FABP12: variants seen among roughly 807,000 people sequenced by gnomAD.
FABP12 encodes fatty acid-binding protein 12.
In FABP12, 19 loss-of-function variants were observed where a neutral mutation model predicts 13.7. The observed-to-expected ratio is 1.39, with a 90% CI of 0.97 to 2.04. The LOEUF is 2.04. FABP12 is among the 30% of genes most tolerant of loss of function. FABP12 has a pLI of 0.00. For missense variants in FABP12, 182 were observed against 164.2 expected (o/e 1.11, Z -0.59); for synonymous variants, 61 against 57.0 (o/e 1.07, Z -0.32).
intron 1 of FABP12, among the ~76,000 whole-genome samples, chr8:81,579,064 G>A (rs572984269): frequency 2.0e-5 from 3 of 151,202 alleles, no homozygotes; most frequent in East Asian, 2.0e-4. Flanking sequence ...TCCTGACCTC[G>A]TGATCCACCC....
At chr8:81,567,843 C>A (rs140139306) in intron 1 of FABP12, among the ~76,000 whole-genome samples, 2,440 of 151,926 alleles carry the variant, frequency 0.016, 36 homozygotes, top group African/African-American at 0.033. Context: ...TCCACACGGC[C>A]GGGCGCGGTG....
chr8:81,530,034 C>T (rs997045406), intron 2 of FABP12, among the ~76,000 whole-genome samples: 3 of 152,108 alleles, frequency 2.0e-5, no homozygotes, highest in Non-Finnish European at 4.4e-5. Flanking sequence ...TAGCTCTTCA[C>T]TTGTATTCTT....
intron 3 of FABP12, among the ~76,000 whole-genome samples, chr8:81,527,686 C>T (rs991919674): frequency 6.6e-6 from 1 of 152,078 alleles, no homozygotes; most frequent in Non-Finnish European, 1.5e-5. Flanking sequence ...TTATCTTTGA[C>T]TGTGTAAGCA....
chr8:81,528,186 C>T (rs1808958955), intron 3 of FABP12, among the ~76,000 whole-genome samples: 1 of 151,982 alleles, frequency 6.6e-6, no homozygotes, highest in African/African-American at 2.4e-5. Flanking sequence ...CTCCAGCAAT[C>T]CTCCCACCTT....
intron 1 of FABP12, among the ~76,000 whole-genome samples, chr8:81,561,239 T>G (rs1809719812): frequency 6.6e-6 from 1 of 152,160 alleles, no homozygotes; most frequent in Non-Finnish European, 1.5e-5. Flanking sequence ...AATAAAATGA[T>G]AACAGTGCAT....
chr8:81,533,833 C>A (rs1452540467), exon 1 of FABP12, among the ~76,000 whole-genome samples: 1 of 152,080 alleles, frequency 6.6e-6, no homozygotes, highest in Non-Finnish European at 1.5e-5. Context: ...TAGGCTTGAC[C>A]CCAGATGCAC....
chr8:81,587,336 T>C (rs1435529102), intron 1 of FABP12, among the ~76,000 whole-genome samples: 1 of 152,188 alleles, frequency 6.6e-6, no homozygotes, highest in Non-Finnish European at 1.5e-5. Flanking sequence ...AAAATGTCAT[T>C]GATAGTTTGA....
chr8:81,578,735 C>T (rs1253805754), intron 1 of FABP12, among the ~76,000 whole-genome samples: 2 of 151,340 alleles, frequency 1.3e-5, no homozygotes, highest in South Asian at 2.1e-4. Context: ...CCGTCCACCT[C>T]GGCCTCCTAA....
chr8:81,580,915 A>G (rs1157136864), intron 1 of FABP12, among the ~76,000 whole-genome samples: 1 of 152,144 alleles, frequency 6.6e-6, no homozygotes, highest in Non-Finnish European at 1.5e-5. Flanking sequence ...CCTATTGTGT[A>G]AGACTCGGGA....
At chr8:81,537,185 A>C (rs187695042), upstream of FABP12, among the ~76,000 whole-genome samples, 98 of 152,318 alleles carry the variant, frequency 6.4e-4, no homozygotes, top group African/African-American at 2.3e-3. Context: ...TGAGATGGTT[A>C]TCAGTCAAAT....
intron 1 of FABP12, among the ~76,000 whole-genome samples, chr8:81,548,034 T>A (rs1042084275): frequency 6.6e-6 from 1 of 152,174 alleles, no homozygotes; most frequent in Non-Finnish European, 1.5e-5. Flanking sequence ...ACCAGAGATA[T>A]ACCATGATAC....
chr8:81,540,655 A>G (rs1000706690), intron 1 of FABP12, among the ~76,000 whole-genome samples: 5 of 152,234 alleles, frequency 3.3e-5, no homozygotes, highest in African/African-American at 9.6e-5. Flanking sequence ...TGGGATCCCA[A>G]ATTGGATCCT....
intron 1 of FABP12, among the ~76,000 whole-genome samples, chr8:81,550,797 A>G (rs768940562): frequency 1.3e-4 from 20 of 152,302 alleles, no homozygotes; most frequent in Non-Finnish European, 2.6e-4. Context: ...AGAAAATTAT[A>G]AAGTTCTATT....
At chr8:81,538,163 G>A (rs911193800), upstream of FABP12, among the ~76,000 whole-genome samples, 1 of 152,136 alleles carries the variant, frequency 6.6e-6, no homozygotes, top group African/African-American at 2.4e-5. Context: ...TGAGCTCAGA[G>A]CAAGAACTCA....
chr8:81,528,515 C>T (rs888207179), intron 3 of FABP12, among the ~76,000 whole-genome samples: 4 of 152,166 alleles, frequency 2.6e-5, no homozygotes, highest in Admixed American at 2.6e-4. Context: ...ATTACAGTGG[C>T]ATGATAGTTC....
At chr8:81,531,522 C>T in intron 1 of FABP12, 132 bp from the exon 2 acceptor site, 1 of 528,036 alleles carries the variant, frequency 1.9e-6, no homozygotes, top group South Asian at 2.8e-5. Flanking sequence ...TTAAATACAT[C>T]AGGATGAAAA....
intron 1 of FABP12, among the ~76,000 whole-genome samples, chr8:81,558,887 C>CAAG (rs1809668055): frequency 1.5e-5 from 1 of 67,532 alleles, no homozygotes. Context: ...AAGGCTCCAT[C>CAAG]AAAAAAAAAA....
intron 4 of FABP12, among the ~76,000 whole-genome samples, chr8:81,525,575 A>T (rs79946199): frequency 6.6e-6 from 1 of 151,344 alleles, no homozygotes; most frequent in African/African-American, 2.5e-5. Flanking sequence ...ATAGATAGAT[A>T]GATCTATATA....
chr8:81,532,778 G>GCCACTGAACT (rs1554576757), intron 1 of FABP12: 1 of 152,594 alleles, frequency 6.6e-6, no homozygotes, highest in African/African-American at 2.4e-5. Context: ...CCAAGATCGT[G>GCCACTGAACT]CCACTGCACT....
Sources: gnomAD v4.1 joint callset for allele counts (sites outside exome capture counted in the v4.1 genomes callset) on GRCh38, gnomAD v4.1.1 for gene constraint, MANE v1.5 for transcripts, NCBI Gene and HGNC (gene_info 2026-07-23, HGNC 2026-07-21) for gene names.